The following SAMD12 variants were observed in gnomAD, a reference collection of about 807,000 sequenced individuals.
The protein encoded by SAMD12 is sterile alpha motif domain containing 12.
In SAMD12, 9 loss-of-function variants were observed where a neutral mutation model predicts 15.0. That is an observed-to-expected ratio of 0.60 (90% CI 0.36 to 1.05). SAMD12 has a LOEUF of 1.05. SAMD12 is among the 50% of genes least tolerant of loss of function. The probability of loss-of-function intolerance (pLI) is 0.01; values close to 1 mark genes in which losing one functional copy is unlikely to be tolerated. For synonymous variants in SAMD12, 86 were observed against 90.1 expected, an observed-to-expected ratio of 0.96 and a Z score of 0.25; for missense variants, 230 against 234.2, an observed-to-expected ratio of 0.98 and a Z score of 0.12.
At chr8:118,565,105 G>A (rs1040623113) in intron 2 of SAMD12, among the ~76,000 whole-genome samples, 1 of 152,144 alleles carries the variant, frequency 6.6e-6, no homozygotes, top group Non-Finnish European at 1.5e-5. Context: ...TAACTATCAC[G>A]ACAGTGCTGG....
intron 1 of SAMD12, among the ~76,000 whole-genome samples, chr8:118,591,048 A>C (rs1032912760): frequency 1.3e-5 from 2 of 152,154 alleles, no homozygotes; most frequent in East Asian, 1.9e-4. Flanking sequence ...AACAAAGGAT[A>C]ATTGGAAAGG....
At chr8:118,330,403 A>G (rs1816757903) in intron 4 of SAMD12, among the ~76,000 whole-genome samples, 1 of 152,224 alleles carries the variant, frequency 6.6e-6, no homozygotes, top group Admixed American at 6.5e-5. Flanking sequence ...TCACAGCTTA[A>G]GAGTGCCTGG....
rs546556107 is a variant in SAMD12 at position 118,448,580 on chromosome 8, G to A, written c.193-8619C>T. 1.5e-4 allele frequency among the ~76,000 whole-genome samples: 23 copies of A among 152,302 alleles called. No individual in the cohort carries two copies. The South Asian group carries it at 3.1e-3, about 21-fold the overall frequency. On this transcript the variant is annotated intron_variant, in intron 2 of 3. Transcript: ENST00000314727. ...GAAAACTGGTTCAGGTCCCAGCTGCGCTCTTGACATTCCCAGGTTGGGACT... is the reference window on the plus strand; with the variant it reads ...GAAAACTGGTTCAGGTCCCAGCTGCACTCTTGACATTCCCAGGTTGGGACT...
intron 3 of SAMD12, among the ~76,000 whole-genome samples, chr8:118,393,765 A>T (rs894499178): frequency 5.9e-5 from 9 of 151,300 alleles, no homozygotes; most frequent in African/African-American, 1.2e-4. Flanking sequence ...CACCCAGCTA[A>T]TTTTTTTTGT....
the SAMD12 span, among the ~76,000 whole-genome samples, chr8:118,168,105 G>T: frequency 6.6e-6 from 1 of 152,264 alleles, no homozygotes; most frequent in East Asian, 1.9e-4. Context: ...TTCTGCTTTT[G>T]CTTCCTCCTC....
At chr8:118,596,814 A>G (rs1041043577) in intron 1 of SAMD12, among the ~76,000 whole-genome samples, 2 of 152,168 alleles carry the variant, frequency 1.3e-5, no homozygotes, top group African/African-American at 4.8e-5. Context: ...GCCTACGAAA[A>G]CTAAGAAACT....
At chr8:118,188,071 AAGAG>A (rs931887338), downstream of SAMD12, among the ~76,000 whole-genome samples, 3 of 151,040 alleles carry the variant, frequency 2.0e-5, no homozygotes, top group African/African-American at 7.3e-5. Context: ...AAGAGAGAGA[AAGAG>A]AGAGATGGGA....
At chr8:118,363,797 G>A (rs1818625519) in intron 4 of SAMD12, among the ~76,000 whole-genome samples, 1 of 152,198 alleles carries the variant, frequency 6.6e-6, no homozygotes, top group Non-Finnish European at 1.5e-5. Flanking sequence ...GCCTTGGCAG[G>A]CATTGTGGCT....
At chr8:118,545,825 C>T (rs1355364395) in intron 2 of SAMD12, among the ~76,000 whole-genome samples, 2 of 152,158 alleles carry the variant, frequency 1.3e-5, no homozygotes, top group Non-Finnish European at 2.9e-5. Flanking sequence ...CAAGCTTCCA[C>T]TAGAGTCTTG....
chr8:118,259,563 A>G (rs3907340), intron 4 of SAMD12, among the ~76,000 whole-genome samples: 1,654 of 152,182 alleles, frequency 0.011, 11 homozygotes, highest in Non-Finnish European at 0.017. Context: ...CATTTGAAAA[A>G]TTCGCTTATG....
chr8:118,419,047 TC>T (rs1416117667), intron 3 of SAMD12, among the ~76,000 whole-genome samples: 1 of 152,220 alleles, frequency 6.6e-6, no homozygotes, highest in East Asian at 1.9e-4. Context: ...GATTCCTGGT[TC>T]TCCTAGGACA....
chr8:118,320,087 C>T (rs1472524015), intron 4 of SAMD12, among the ~76,000 whole-genome samples: 1 of 152,080 alleles, frequency 6.6e-6, no homozygotes, highest in East Asian at 1.9e-4. Flanking sequence ...TTTCCTGAAG[C>T]TGAAGCAAGA....
At chr8:118,483,551 G>A (rs1824189553) in intron 2 of SAMD12, among the ~76,000 whole-genome samples, 1 of 152,110 alleles carries the variant, frequency 6.6e-6, no homozygotes, top group Non-Finnish European at 1.5e-5. Context: ...TTAGTAGTAA[G>A]TAGTCAACTT....
At chr8:118,440,675 CACACACACACACACACACACAA>C (rs1241746403) in intron 2 of SAMD12, among the ~76,000 whole-genome samples, 19 of 148,806 alleles carry the variant, frequency 1.3e-4, no homozygotes, top group Middle Eastern at 3.4e-3. Context: ...CACACACACA[CACACACACACACACACACACAA>C]ACACACACAC....
chr8:118,375,939 T>C (rs1819364781), downstream of SAMD12: 1 of 152,184 alleles, frequency 6.6e-6, no homozygotes, highest in Non-Finnish European at 1.5e-5. Flanking sequence ...TGTTCAAATA[T>C]AGTATACATT....
chr8:118,221,461 A>T (rs978776570), intron 4 of SAMD12, among the ~76,000 whole-genome samples: 20 of 152,152 alleles, frequency 1.3e-4, no homozygotes, highest in African/African-American at 4.8e-4. Flanking sequence ...TTAAGCCAAG[A>T]TGTGGAAGAA....
chr8:118,262,022 GCAA>G (rs1445200583), intron 4 of SAMD12, among the ~76,000 whole-genome samples: 1 of 151,760 alleles, frequency 6.6e-6, no homozygotes, highest in Non-Finnish European at 1.5e-5. Context: ...CCTGTCATTT[GCAA>G]CAACATGAAC....
Position 118,331,351 on chromosome 8 carries a change from C to T in SAMD12, c.433+48209G>A, listed in dbSNP as rs1816798500. Among the ~76,000 whole-genome samples, 2 of 152,120 alleles carry T rather than the reference C, an allele frequency of 1.3e-5. 1 individual carries two copies. The highest frequency in any genetic ancestry group is 4.2e-4 in the South Asian group (2 of 4,818). ...AAATTTCCCTTAAATGAAAAAATAT[C>T]TCCAGTTTAAAAGGCTTTTACTATG... is the stretch of plus-strand genomic sequence containing the variant. On this transcript the variant is annotated intron_variant, in intron 4 of 4. Coordinates refer to the SAMD12 transcript ENST00000409003.
intron 3 of SAMD12, among the ~76,000 whole-genome samples, chr8:118,428,528 G>A (rs1162132145): frequency 6.6e-6 from 1 of 152,054 alleles, no homozygotes; most frequent in Non-Finnish European, 1.5e-5. Flanking sequence ...CTATTCTCAA[G>A]GTCGTGAAAT....
Sources: allele counts gnomAD v4.1 joint callset (sites outside exome capture counted in the v4.1 genomes callset), GRCh38; gene constraint gnomAD v4.1.1; transcripts MANE v1.5; gene names NCBI Gene and HGNC (gene_info 2026-07-23, HGNC 2026-07-21).